Variants in CFAP46 observed in about 807,000 individuals in gnomAD.
The protein encoded by CFAP46 is cilia and flagella associated protein 46.
In CFAP46, 245 loss-of-function variants were observed where a neutral mutation model predicts 325.7. That is an observed-to-expected ratio of 0.75 (90% CI 0.68 to 0.84). CFAP46 has a LOEUF of 0.84. CFAP46 is among the 40% of genes least tolerant of loss of function. The pLI is 0.00. For synonymous variants in CFAP46, 1,523 were observed against 1,495.9 expected (o/e 1.02, Z -0.42); for missense variants, 3,346 against 3,543.0 (o/e 0.94, Z 1.41).
intron 34 of CFAP46, among the ~76,000 whole-genome samples, chr10:132,866,929 C>T (rs753160819): frequency 6.6e-6 from 1 of 152,220 alleles, no homozygotes; most frequent in Non-Finnish European, 1.5e-5. Flanking sequence ...GACCTCCAGG[C>T]GGAGCTCCCT....
In CFAP46 at chr10:132,892,395, A is replaced by T; in HGVS notation, c.3242T>A (p.Leu1081Gln). The T allele has an allele frequency of 6.4e-7, 1 of 1,550,904 alleles. No homozygotes were observed. Among genetic ancestry groups the T allele is most frequent in the Non-Finnish European group, 8.7e-7 (1 of 1,147,082 alleles). Residue 1081 changes from leucine to glutamine, a missense_variant, in exon 25 of 58, where the codon CTG becomes CAG. Physicochemically the swap from Leu to Gln is moderately radical, Grantham distance 113. Transcript: ENST00000368586. ...RKQEKGKTLL[L>Q]HQWPTADFQG... ...GAAGTCGGCCGTGGGCCACTGGTGC[A>T]GAAGCAGCGTCTTTCCTTTCTCCTA... is the stretch of plus-strand genomic sequence containing the variant.
chr10:132,894,261 C>G (rs1384855435), intron 24 of CFAP46, among the ~76,000 whole-genome samples: 2 of 152,188 alleles, frequency 1.3e-5, no homozygotes, highest in African/African-American at 4.8e-5. Context: ...TAATTGAGAG[C>G]TTTTTCAATG....
intron 55 of CFAP46, among the ~76,000 whole-genome samples, 166 bp from the exon 56 acceptor site, chr10:132,811,197 CCCTGGCCA>C (rs2134747447): frequency 6.6e-6 from 1 of 152,332 alleles, no homozygotes; most frequent in African/African-American, 2.4e-5. Context: ...TCCAGGGACC[CCCTGGCCA>C]CAGTGGACCT....
intron 9 of CFAP46, chr10:132,929,194 A>G (rs2135671340): frequency 2.7e-6 from 1 of 371,550 alleles, no homozygotes; most frequent in Non-Finnish European, 4.9e-6. Flanking sequence ...ATTAGGCACA[A>G]TAAGATATTT....
chr10:132,932,970 C>A (rs1020033342), intron 8 of CFAP46, among the ~76,000 whole-genome samples: 7 of 152,246 alleles, frequency 4.6e-5, no homozygotes, highest in African/African-American at 1.7e-4. Context: ...AGAGCAGCCG[C>A]CCACAGTGTC....
intron 22 of CFAP46, among the ~76,000 whole-genome samples, chr10:132,907,057 C>G (rs188133856): frequency 6.6e-6 from 1 of 152,392 alleles, no homozygotes; most frequent in South Asian, 2.1e-4. Context: ...CGCATCCCCA[C>G]GGGTGTGGCC....
rs1011335037 is a variant in CFAP46 at position 132,857,714 on chromosome 10, C to T, written c.5450G>A (p.Gly1817Asp). The part of the protein sequence containing the change: ...YYLEAYGLAQ[G>D]AVAEEEGRLH... ...CCTCCCTTCTTCCTCAGCTACGGCA[C>T]CCTGGGCCAGGCCATACGCTTCCAA... Residue 1817 changes from glycine (G) to aspartate (D), a missense_variant, in exon 39 of 58, where the codon GGT becomes GAT. Physicochemically the swap from Gly to Asp is moderately conservative, Grantham distance 94 (BLOSUM62 -1). Transcript: ENST00000368586. 5 of 1,612,282 alleles carry T rather than the reference C, an allele frequency of 3.1e-6. No homozygotes were observed. Among genetic ancestry groups the T allele is most frequent in the African/African-American group, 1.3e-5 (1 of 74,894 alleles).
chr10:132,822,164 G>GA (rs1847863537), intron 50 of CFAP46, among the ~76,000 whole-genome samples: 1 of 141,806 alleles, frequency 7.1e-6, no homozygotes, highest in African/African-American at 2.7e-5. Flanking sequence ...GCTGTGTGCT[G>GA]TGTGTGCTGA....
rs946268121 is a variant in CFAP46 at position 132,919,737 on chromosome 10, G to T, written c.1731-295C>A. On this transcript the variant is annotated intron_variant, in intron 14 of 57. Coordinates refer to ENST00000368586, the MANE Select transcript of CFAP46 (RefSeq NM_001200049.3). This position sits in a 1 kb window ranked among gnomAD's most constrained non-coding sequence, Gnocchi z 9.7. ...GAGTGCACGGGACAGGCCTCCCGGG[G>T]ATGGTACCGACCGCAGGGTCGGTAC... Among the ~76,000 whole-genome samples, 1 of 152,052 alleles carries T rather than the reference G, an allele frequency of 6.6e-6. No homozygotes were observed. The highest frequency in any genetic ancestry group is 1.5e-5 in the Non-Finnish European group (1 of 67,984).
chr10:132,873,727 G>A (rs187227731), intron 31 of CFAP46, among the ~76,000 whole-genome samples: 1 of 152,302 alleles, frequency 6.6e-6, no homozygotes, highest in Admixed American at 6.5e-5. Context: ...CGGGTGGCCT[G>A]GAAAGCACAG....
chr10:132,838,652 A>C (rs1243233993), intron 44 of CFAP46, among the ~76,000 whole-genome samples: 1 of 152,270 alleles, frequency 6.6e-6, no homozygotes, highest in Non-Finnish European at 1.5e-5. Flanking sequence ...TTCTGTGGCC[A>C]AGGGCATCTG....
At chr10:132,824,328 T>A (rs1847981582) in intron 50 of CFAP46, among the ~76,000 whole-genome samples, 1 of 135,622 alleles carries the variant, frequency 7.4e-6, no homozygotes, top group Non-Finnish European at 1.6e-5. Flanking sequence ...TGATGTGTGC[T>A]GTGTGTGTGC....
chr10:132,880,791 A>G, intron 28 of CFAP46, 70 bp downstream of exon 28: 5 of 1,500,646 alleles, frequency 3.3e-6, no homozygotes, highest in Non-Finnish European at 4.5e-6. Context: ...GGCGGTCCAG[A>G]TCACGGAGCA....
At chr10:132,848,121 A>G (rs1848472101) in intron 41 of CFAP46, among the ~76,000 whole-genome samples, 1 of 152,186 alleles carries the variant, frequency 6.6e-6, no homozygotes, top group East Asian at 1.9e-4. Context: ...CAGAGTCCCC[A>G]GGACCGAGAC....
intron 44 of CFAP46, among the ~76,000 whole-genome samples, chr10:132,839,390 G>A (rs1308268627): frequency 6.6e-6 from 1 of 152,248 alleles, no homozygotes; most frequent in Admixed American, 6.5e-5. Flanking sequence ...ACCGGAAGGA[G>A]GAAGAGCCTT....
intron 24 of CFAP46, among the ~76,000 whole-genome samples, chr10:132,898,282 G>A (rs182407687): frequency 4.6e-5 from 7 of 152,310 alleles, no homozygotes; most frequent in African/African-American, 1.2e-4. Context: ...CAACTCCAGC[G>A]CCTGCTCAGG....
rs182767175 is a variant in CFAP46 at position 132,876,238 on chromosome 10, G to A, written c.4362+574C>T. On this transcript the variant is annotated intron_variant, in intron 31 of 57. Transcript: ENST00000368586. This position sits in a 1 kb window ranked among gnomAD's most constrained non-coding sequence, Gnocchi z 4.1. ...GGGCCACTCTACCCACAGCGGGCAC[G>A]GCAGTGAACTGAATGACCACTATGG... is the stretch of plus-strand genomic sequence containing the variant. Among the ~76,000 whole-genome samples the A allele has an allele frequency of 2.1e-3, 318 of 152,360 alleles. 2 individuals are homozygous for A. Among genetic ancestry groups the A allele is most frequent in the African/African-American group, 7.2e-3 (298 of 41,592 alleles).
intron 24 of CFAP46, among the ~76,000 whole-genome samples, chr10:132,895,460 A>G (rs1416811570): frequency 6.6e-6 from 1 of 152,232 alleles, no homozygotes; most frequent in African/African-American, 2.4e-5. Context: ...CTACTGGACA[A>G]CAACAAGAAA....
rs554989983 is a variant in CFAP46 at position 132,933,417 on chromosome 10, C to T, written c.866+1335G>A. Reference sequence around the variant, plus strand: ...CTGGTCCCAAGACCTCTCGTCGGAGCGCCTGGCCACAGAAGGGGATGCTCG... The same window carrying T: ...CTGGTCCCAAGACCTCTCGTCGGAGTGCCTGGCCACAGAAGGGGATGCTCG... On this transcript the variant is annotated intron_variant, in intron 8 of 57. Coordinates refer to ENST00000368586, the MANE Select transcript of CFAP46 (RefSeq NM_001200049.3). 2.2e-4 allele frequency among the ~76,000 whole-genome samples: 33 copies of T among 152,358 alleles called. No homozygotes were observed. The South Asian group carries it at 5.4e-3, about 25-fold the overall frequency.
Sources: allele counts gnomAD v4.1 joint callset (sites outside exome capture counted in the v4.1 genomes callset), GRCh38; gene constraint gnomAD v4.1.1; non-coding constraint Gnocchi (gnomAD v3.1); transcripts MANE v1.5; gene names NCBI Gene and HGNC (gene_info 2026-07-23, HGNC 2026-07-21).